The following C2 variants were observed in gnomAD, a reference collection of about 807,000 sequenced individuals.
C2 encodes C3/C5 convertase.
In C2, 64 loss-of-function variants were observed where a neutral mutation model predicts 85.2. The ratio of observed to expected loss-of-function variants is 0.75; its 90% CI spans 0.61 to 0.92. The LOEUF is 0.92. Ranked by LOEUF, C2 falls within the 40% of genes least tolerant of loss-of-function variation. The pLI, the probability that C2 is intolerant of heterozygous loss-of-function variation, is 0.00. For missense variants in C2, 820 were observed against 971.6 expected, an observed-to-expected ratio of 0.84 and a Z score of 2.07; for synonymous variants, 311 against 370.8, an observed-to-expected ratio of 0.84 and a Z score of 1.85.
chr6:31,933,459 T>C, intron 3 of C2, 151 bp from the exon 4 acceptor site: 1 of 748,288 alleles, frequency 1.3e-6, no homozygotes, highest in Admixed American at 2.2e-5. Flanking sequence ...ATCAGCTGAC[T>C]TCTTCCCTGG....
chr6:31,902,466 T>C (rs1168647071), intron 1 of C2, among the ~76,000 whole-genome samples: 2 of 152,138 alleles, frequency 1.3e-5, no homozygotes, highest in Non-Finnish European at 1.5e-5. Flanking sequence ...GTGGTGCGTC[T>C]CCGGTCCAGC....
rs970230298 is a variant in C2 at position 31,904,308 on chromosome 6, TTTAA to T, written c.73+3184_73+3187del. Among the ~76,000 whole-genome samples the T allele has an allele frequency of 7.2e-5, 11 of 152,082 alleles. No homozygotes were observed. The highest frequency in any genetic ancestry group is 2.7e-4 in the African/African-American group (11 of 41,464). On this transcript the variant is annotated intron_variant, in intron 1 of 3. Transcript: ENST00000452202. The surrounding 1 kb of genome is among the most constrained non-coding windows in gnomAD (Gnocchi z 4.4). Reference sequence around the variant, plus strand: ...AATTTTCAAAAGAATTTTATTTTATTTTAATTAATTAATTAATTTATTTAGCTGG... The same window carrying T: ...AATTTTCAAAAGAATTTTATTTTATTTTAATTAATTAATTTATTTAGCTGG...
Position 31,927,802 on chromosome 6 carries a change from G to A in C2, c.46+4G>A. 1 of 1,613,886 alleles carries A rather than the reference G, an allele frequency of 6.2e-7. No individual in the cohort carries two copies. Among genetic ancestry groups the A allele is most frequent in the South Asian group, 1.1e-5 (1 of 91,086 alleles). On this transcript the variant is annotated splice_donor_region_variant and intron_variant, in intron 1 of 17. Transcript: ENST00000299367. This position sits in a 1 kb window ranked among gnomAD's most constrained non-coding sequence, Gnocchi z 4.7. Reference sequence around the variant, plus strand: ...TGCCTGCTGTTCCTGTACCCAGGTAGGAGGCAGGGAAGGGGGAACGTCAGG... The same window carrying A: ...TGCCTGCTGTTCCTGTACCCAGGTAAGAGGCAGGGAAGGGGGAACGTCAGG...
At position 31,942,962 on chromosome 6, in the gene C2, T is replaced by G; in HGVS notation, c.1223T>G (p.Ile408Ser). ...INQKRNDYLD[I>S]YAIGVGKLDV... ...TGATTTCCCTCTTCCCCACCAGACATCTATGCCATCGGGGTGGGCAAGCTG... is the reference window on the plus strand; with the variant it reads ...TGATTTCCCTCTTCCCCACCAGACAGCTATGCCATCGGGGTGGGCAAGCTG... Residue 408 changes from isoleucine to serine, a missense_variant, in exon 10 of 18, where the codon ATC becomes AGC. Physicochemically the swap from Ile to Ser is moderately radical, Grantham distance 142. Transcript: ENST00000299367. 6.2e-7 allele frequency: 1 copy of G among 1,613,068 alleles called. No individual in the cohort carries two copies. Among genetic ancestry groups the G allele is most frequent in the Non-Finnish European group, 8.5e-7 (1 of 1,180,030 alleles).
At chr6:31,930,055 C>T (rs962932984) in intron 3 of C2, among the ~76,000 whole-genome samples, 1 of 151,756 alleles carries the variant, frequency 6.6e-6, no homozygotes, top group Non-Finnish European at 1.5e-5. Flanking sequence ...AAAAAAACAG[C>T]CCCTGGAATC....
At chr6:31,929,065 G>A (rs1022565241) in intron 3 of C2, 148 bp downstream of exon 3, 22 of 743,910 alleles carry the variant, frequency 3.0e-5, no homozygotes, top group Non-Finnish European at 4.5e-5. Flanking sequence ...GTAAATTGAG[G>A]TCTACAGGTC....
intron 3 of C2, among the ~76,000 whole-genome samples, chr6:31,932,872 G>C (rs1301807967): frequency 1.3e-5 from 2 of 152,382 alleles, no homozygotes; most frequent in East Asian, 1.9e-4. Context: ...CCAGCACCTC[G>C]GGAGGCCGAG....
At chr6:31,923,871 C>T (rs958262072), upstream of C2, among the ~76,000 whole-genome samples, 2 of 150,638 alleles carry the variant, frequency 1.3e-5, no homozygotes, top group Non-Finnish European at 2.9e-5. Context: ...GCGATCTCAG[C>T]TCACTGCAAA....
chr6:31,944,668 A>C lies in C2; in HGVS notation c.1903-59A>C. 1 of 1,604,462 alleles carries C rather than the reference A, an allele frequency of 6.2e-7. No individual in the cohort carries two copies. The highest frequency in any genetic ancestry group is 8.5e-7 in the Non-Finnish European group (1 of 1,173,318). ...AGTGCTGAGATTACAGGCGTGAGCC[A>C]CTGCACCCACCCGGGTCTGCTTATT... On this transcript the variant is annotated intron_variant, in intron 15 of 17. Coordinates refer to ENST00000299367, the MANE Select transcript of C2 (RefSeq NM_000063.6). This position sits in a 1 kb window ranked among gnomAD's most constrained non-coding sequence, Gnocchi z 5.1.
intron 1 of C2, among the ~76,000 whole-genome samples, chr6:31,906,463 C>T (rs1476463479): frequency 1.3e-5 from 2 of 151,926 alleles, no homozygotes; most frequent in African/African-American, 4.8e-5. Flanking sequence ...CTGCAGCCCA[C>T]CACCTTTGCC....
chr6:31,945,401 C>T lies in C2; in HGVS notation c.*44C>T, dbSNP rs765716843. On this transcript the variant is annotated 3_prime_UTR_variant, in exon 18 of 18. Transcript: ENST00000299367. This position sits in a 1 kb window ranked among gnomAD's most constrained non-coding sequence, Gnocchi z 5.3. ...CTGCTGCCCTGCCAGAATCTGCCGC[C>T]CCTCCATCTTCTACCTCTGAATGGC... 4.4e-6 allele frequency: 7 copies of T among 1,578,722 alleles called. No homozygotes were observed. The South Asian group carries it at 7.7e-5, about 17-fold the overall frequency.
In C2 at chr6:31,943,210, T is replaced by G. The variant is rs1562614644; in HGVS notation, c.1361-15T>G. On this transcript the variant is annotated splice_polypyrimidine_tract_variant and intron_variant, in intron 10 of 17. Transcript: ENST00000299367. This position sits in a 1 kb window ranked among gnomAD's most constrained non-coding sequence, Gnocchi z 6.4. ...CTCACTTGCCTCCTTCCCCATCTGA[T>G]CCTCACACCCACAGATGTCTCCAAG... 1 of 1,612,578 alleles carries G rather than the reference T, an allele frequency of 6.2e-7. No individual in the cohort carries two copies. The highest frequency in any genetic ancestry group is 8.5e-7 in the Non-Finnish European group (1 of 1,179,746).
intron 1 of C2, among the ~76,000 whole-genome samples, chr6:31,908,776 C>G (rs1298364511): frequency 6.6e-6 from 1 of 152,008 alleles, no homozygotes; most frequent in Non-Finnish European, 1.5e-5. Context: ...TGTTACAACT[C>G]ACTAAAGACT....
At chr6:31,914,475 C>G (rs1367943575) in intron 1 of C2, among the ~76,000 whole-genome samples, 2 of 151,550 alleles carry the variant, frequency 1.3e-5, no homozygotes, top group Non-Finnish European at 2.9e-5. Flanking sequence ...CCTGTAGTCC[C>G]AGCTACTTGG....
At position 31,943,398 on chromosome 6, in the gene C2, T is replaced by C; in HGVS notation, c.1456-18T>C. 3.7e-6 allele frequency: 6 copies of C among 1,612,010 alleles called. No individual in the cohort carries two copies. The highest frequency in any genetic ancestry group is 5.1e-6 in the Non-Finnish European group (6 of 1,179,156). On this transcript the variant is annotated intron_variant, in intron 11 of 17. Coordinates refer to ENST00000299367, the MANE Select transcript of C2 (RefSeq NM_000063.6). This position sits in a 1 kb window ranked among gnomAD's most constrained non-coding sequence, Gnocchi z 6.4. ...CCAGACATACTGCAATCTCTGAAAATCACCTGTTCCCCTGCAGCCCAAGAG... is the reference window on the plus strand; with the variant it reads ...CCAGACATACTGCAATCTCTGAAAACCACCTGTTCCCCTGCAGCCCAAGAG...
In C2 at chr6:31,928,000, C is replaced by A; in HGVS notation, c.92C>A (p.Ser31Ter). 1 of 1,614,184 alleles carries A rather than the reference C, an allele frequency of 6.2e-7. No homozygotes were observed. Among genetic ancestry groups the A allele is most frequent in the Non-Finnish European group, 8.5e-7 (1 of 1,180,026 alleles). ...TCCTGCCCTCAGAACGTGAATATCT[C>A]GGGTGGCACCTTCACCCTCAGCCAT... ...APSCPQNVNI[S>*]GGTFTLSHGW... is the part of the protein sequence containing the mutation. The change falls in exon 2 of 18, where the codon TCG becomes TAG. Residue 31 changes from serine to a stop codon, truncating the protein, a stop_gained. Coordinates refer to ENST00000299367, the MANE Select transcript of C2 (RefSeq NM_000063.6). LOFTEE classifies it high-confidence loss of function. This position sits in a 1 kb window ranked among gnomAD's most constrained non-coding sequence, Gnocchi z 4.7.
chr6:31,939,022 C>T (rs987823182), intron 8 of C2, among the ~76,000 whole-genome samples: 2 of 152,182 alleles, frequency 1.3e-5, no homozygotes, highest in African/African-American at 4.8e-5. Context: ...TGGTCTGGAA[C>T]TCCTGAGCTC....
upstream of C2, among the ~76,000 whole-genome samples, chr6:31,919,602 T>G (rs1242731142): frequency 6.6e-6 from 1 of 152,210 alleles, no homozygotes; most frequent in African/African-American, 2.4e-5. Context: ...ACTTTTCCAG[T>G]GAAATTATAT....
chr6:31,911,684 A>G (rs1203971834), intron 1 of C2, among the ~76,000 whole-genome samples: 1 of 144,114 alleles, frequency 6.9e-6, no homozygotes, highest in Non-Finnish European at 1.5e-5. Flanking sequence ...TCTGTTGCCC[A>G]GGCTGGAGTG....
Sources: allele counts gnomAD v4.1 joint callset (sites outside exome capture counted in the v4.1 genomes callset), GRCh38; gene constraint gnomAD v4.1.1; non-coding constraint Gnocchi (gnomAD v3.1); transcripts MANE v1.5; gene names NCBI Gene and HGNC (gene_info 2026-07-23, HGNC 2026-07-21).